Variants in MPDZ observed in about 807,000 individuals in gnomAD.
MPDZ encodes multiple PDZ domain protein.
Under a neutral mutation model 239.1 loss-of-function variants are expected in MPDZ, and 234 were observed. The ratio of observed to expected loss-of-function variants is 0.98; its 90% confidence interval spans 0.88 to 1.09. The LOEUF (loss-of-function observed/expected upper bound fraction) is 1.09, where lower values mean the gene tolerates loss of function less well. MPDZ is among the 50% of genes least tolerant of loss of function. The pLI is 0.00. For missense variants in MPDZ, 3,175 were observed against 2,510.0 expected, an observed-to-expected ratio of 1.26 and a Z score of -5.66; for synonymous variants, 1,048 against 881.3, an observed-to-expected ratio of 1.19 and a Z score of -3.35.
Position 13,192,118 on chromosome 9 carries a change from G to A in MPDZ, c.1968+13C>T, listed in dbSNP as rs779394915. On this transcript the variant is annotated intron_variant, in intron 15 of 46. Transcript: ENST00000319217. ...ATATATGTAGGTTAGCCTCATGTAT[G>A]CAAATCTGATACCTTTTCTGTTAGC... 17 of 1,579,730 alleles carry A rather than the reference G, an allele frequency of 1.1e-5. No homozygotes were observed. The African/African-American group carries it at 1.3e-4, about 13-fold the overall frequency.
At chr9:13,109,171 G>A in intron 45 of MPDZ, 112 bp from the exon 46 acceptor site, 2 of 881,010 alleles carry the variant, frequency 2.3e-6, no homozygotes, top group Non-Finnish European at 3.0e-6. Flanking sequence ...CTTTGTTACT[G>A]ACAAGGAGTA....
At chr9:13,269,267 G>C (rs1256292171) in intron 1 of MPDZ, among the ~76,000 whole-genome samples, 2 of 152,196 alleles carry the variant, frequency 1.3e-5, no homozygotes, top group African/African-American at 4.8e-5. Flanking sequence ...TATGGTTTTA[G>C]AGGAAAGAGA....
Position 13,110,700 on chromosome 9 carries a change from T to G in MPDZ, c.5765A>C (p.Glu1922Ala), listed in dbSNP as rs372346014. 78 of 1,613,498 alleles carry G rather than the reference T, an allele frequency of 4.8e-5. No homozygotes were observed. In the East Asian group the frequency reaches 8.2e-4, roughly 17 times the overall value. ...RIVTICGTST[E>A]GMTHTQAVNL... ...AACTGCTTGGGTGTGAGTCATGCCC[T>G]CAGTGGATGTGCCACAGATGGTGAC... Residue 1922 changes from glutamate to alanine, a missense_variant, in exon 44 of 47, where the codon GAG becomes GCG. By Grantham distance (107) the Glu-to-Ala change is moderately radical. Coordinates refer to ENST00000319217, the MANE Select transcript of MPDZ (RefSeq NM_001378778.1).
At chr9:13,194,023 T>C (rs1375556216) in intron 13 of MPDZ, among the ~76,000 whole-genome samples, 1 of 152,180 alleles carries the variant, frequency 6.6e-6, no homozygotes, top group East Asian at 1.9e-4. Flanking sequence ...AATCTAATAC[T>C]GGATGAAATC....
chr9:13,210,537 T>G (rs758344029), intron 10 of MPDZ, among the ~76,000 whole-genome samples: 2 of 151,982 alleles, frequency 1.3e-5, no homozygotes, highest in Non-Finnish European at 2.9e-5. Context: ...AGATTGTGTC[T>G]AATGCCATCA....
intron 10 of MPDZ, among the ~76,000 whole-genome samples, chr9:13,207,285 T>C (rs1476361968): frequency 6.6e-6 from 1 of 152,122 alleles, no homozygotes; most frequent in East Asian, 1.9e-4. Context: ...CCCAACCCTC[T>C]CTTCTACAGA....
At chr9:13,109,092 A>AT (rs1941981024) in intron 45 of MPDZ, 33 bp from the exon 46 acceptor site, 3 of 1,343,088 alleles carry the variant, frequency 2.2e-6, no homozygotes, top group East Asian at 2.8e-5. Context: ...GAGGTTTTAA[A>AT]TTAAAAAAAA....
At chr9:13,155,870 G>A (rs1390510429) in intron 24 of MPDZ, among the ~76,000 whole-genome samples, 1 of 152,108 alleles carries the variant, frequency 6.6e-6, no homozygotes, top group African/African-American at 2.4e-5. Context: ...CACTACACTA[G>A]TGAGTACAGA....
intron 38 of MPDZ, chr9:13,120,327 C>T (rs1231696790): frequency 6.6e-6 from 1 of 152,092 alleles, no homozygotes; most frequent in Non-Finnish European, 1.5e-5. Flanking sequence ...TGAACTGTAT[C>T]ACTTGTTCTT....
chr9:13,199,908 T>C (rs1055631474), intron 12 of MPDZ, among the ~76,000 whole-genome samples: 2 of 152,002 alleles, frequency 1.3e-5, no homozygotes, highest in African/African-American at 4.8e-5. Context: ...GAAGGATTTG[T>C]AGTTTTCTTT....
At chr9:13,130,682 G>C (rs1219057691) in intron 32 of MPDZ, among the ~76,000 whole-genome samples, 1 of 152,158 alleles carries the variant, frequency 6.6e-6, no homozygotes, top group African/African-American at 2.4e-5. Flanking sequence ...AATAAACAGA[G>C]GTGAGATTTA....
chr9:13,224,396 T>A lies in MPDZ; in HGVS notation c.371A>T (p.Gln124Leu). The A allele has an allele frequency of 6.2e-7, 1 of 1,612,376 alleles. No individual in the cohort carries two copies. The highest frequency in any genetic ancestry group is 8.5e-7 in the Non-Finnish European group (1 of 1,178,996). ...NGKPACDEFD[Q>L]LIKNMAQGRH... is the part of the protein sequence containing the mutation. ...TACCTGGGCCATATTTTTGATAAGC[T>A]GATCAAATTCATCACAAGCAGGTTT... Residue 124 changes from glutamine (Q) to leucine (L), a missense_variant, in exon 4 of 47, where the codon CAG becomes CTG. Gln to Leu is a moderately radical substitution (Grantham distance 113). Transcript: ENST00000319217.
chr9:13,141,118 T>C (rs1373485765), intron 27 of MPDZ, among the ~76,000 whole-genome samples: 1 of 151,926 alleles, frequency 6.6e-6, no homozygotes. Flanking sequence ...AAAAAAGTAC[T>C]TGGCATCATC....
At position 13,227,980 on chromosome 9, in the gene MPDZ, C is replaced by A. The variant is rs868808218; in HGVS notation, c.184-3397G>T. On this transcript the variant is annotated intron_variant, in intron 3 of 46. Transcript: ENST00000319217. ...TTGTTTATTAAAATGGCTTTCTGAA[C>A]TATAATCTCTTTGAGGAATACGAGT... Among the ~76,000 whole-genome samples, 4 of 152,096 alleles carry A rather than the reference C, an allele frequency of 2.6e-5. No individual in the cohort carries two copies. The South Asian group carries it at 6.2e-4, about 24-fold the overall frequency.
At position 13,224,396 on chromosome 9, in the gene MPDZ, T is replaced by G. The variant is rs1959836932; in HGVS notation, c.371A>C (p.Gln124Pro). The G allele has an allele frequency of 6.2e-7, 1 of 1,612,258 alleles. No homozygotes were observed. Among genetic ancestry groups the G allele is most frequent in the Admixed American group, 1.7e-5 (1 of 59,802 alleles). The change falls in exon 4 of 47, where the codon CAG becomes CCG. Residue 124 changes from glutamine to proline, a missense_variant. Coordinates refer to ENST00000319217, the MANE Select transcript of MPDZ (RefSeq NM_001378778.1). ...NGKPACDEFD[Q>P]LIKNMAQGRH... is the part of the protein sequence containing the mutation. ...TACCTGGGCCATATTTTTGATAAGC[T>G]GATCAAATTCATCACAAGCAGGTTT...
Position 13,121,730 on chromosome 9 carries a change from C to T in MPDZ, c.5231+9G>A. On this transcript the variant is annotated intron_variant, in intron 38 of 46. Coordinates refer to ENST00000319217, the MANE Select transcript of MPDZ (RefSeq NM_001378778.1). The stretch of plus-strand genomic sequence containing the variant: ...AAGGGAGCATTGGGTTTGTCCTCCT[C>T]AATCACACCTTTTACCAACAATACT... The T allele has an allele frequency of 6.2e-7, 1 of 1,613,772 alleles. No individual in the cohort carries two copies. The highest frequency in any genetic ancestry group is 8.5e-7 in the Non-Finnish European group (1 of 1,179,714).
At chr9:13,198,315 T>C (rs1485209465) in intron 12 of MPDZ, among the ~76,000 whole-genome samples, 1 of 152,172 alleles carries the variant, frequency 6.6e-6, no homozygotes, top group Non-Finnish European at 1.5e-5. Flanking sequence ...TGATATCTCA[T>C]TGTAGTTTTG....
intron 22 of MPDZ, among the ~76,000 whole-genome samples, chr9:13,164,182 C>A (rs1950789601): frequency 6.6e-6 from 1 of 152,122 alleles, no homozygotes; most frequent in Non-Finnish European, 1.5e-5. Context: ...CCTCAAAGGT[C>A]AAAAACTGAA....
At chr9:13,222,666 T>C (rs926844994) in intron 5 of MPDZ, among the ~76,000 whole-genome samples, 2 of 152,102 alleles carry the variant, frequency 1.3e-5, no homozygotes, top group Non-Finnish European at 2.9e-5. Context: ...ACCCCTCCCA[T>C]ATAAAAGTAC....
Sources: allele counts gnomAD v4.1 joint callset (sites outside exome capture counted in the v4.1 genomes callset), GRCh38; gene constraint gnomAD v4.1.1; transcripts MANE v1.5; gene names NCBI Gene and HGNC (gene_info 2026-07-23, HGNC 2026-07-21).